The following TMPRSS3 variants were observed in gnomAD, a reference collection of about 807,000 sequenced individuals.
The protein encoded by TMPRSS3 is transmembrane serine protease 3.
A neutral mutation model predicts 59.6 loss-of-function variants in TMPRSS3; 55 were observed. The observed-to-expected ratio is 0.92, with a 90% CI of 0.74 to 1.16. TMPRSS3 has a LOEUF of 1.16. Ranked by LOEUF, TMPRSS3 falls within the 50% of genes most tolerant of loss-of-function variation. TMPRSS3 has a pLI of 0.00. For synonymous variants in TMPRSS3, 257 were observed against 237.7 expected, an observed-to-expected ratio of 1.08 and a Z score of -0.75; for missense variants, 596 against 579.4, an observed-to-expected ratio of 1.03 and a Z score of -0.29.
chr21:42,388,836 G>A lies in TMPRSS3; in HGVS notation c.322+93C>T, dbSNP rs1420410279. The A allele has an allele frequency of 6.0e-6, 7 of 1,171,890 alleles. 1 individual carries two copies. The highest frequency in any genetic ancestry group is 9.0e-6 in the Non-Finnish European group (7 of 780,960). 72.6% of individuals were successfully genotyped at this position (1,171,890 alleles called of 1,614,324 possible). ...CAGCTGAAGACATGACCTAAAAATG[G>A]CAATGACTTGGACCCATTTTACAGA... On this transcript the variant is annotated intron_variant, in intron 4 of 12. Coordinates refer to ENST00000644384, the MANE Select transcript of TMPRSS3 (RefSeq NM_001256317.3). The surrounding 1 kb of genome is among the most constrained non-coding windows in gnomAD (Gnocchi z 5.1).
At chr21:42,391,244 CTA>C (rs1229383941) in intron 2 of TMPRSS3, among the ~76,000 whole-genome samples, 1 of 152,192 alleles carries the variant, frequency 6.6e-6, no homozygotes, top group African/African-American at 2.4e-5. Context: ...GGGGATCTCA[CTA>C]TGTTGCTCAG....
chr21:42,394,847 G>T (rs1169498023), intron 2 of TMPRSS3, among the ~76,000 whole-genome samples: 1 of 152,186 alleles, frequency 6.6e-6, no homozygotes, highest in Non-Finnish European at 1.5e-5. Context: ...AGGCATTTGT[G>T]ACTTATTTAC....
At position 42,388,523 on chromosome 21, in the gene TMPRSS3, C is replaced by T. The variant is rs139484231; in HGVS notation, c.326G>A (p.Arg109Gln). Residue 109 changes from arginine (R) to glutamine (Q), a missense_variant, in exon 5 of 13, where the codon CGG becomes CAG. Transcript: ENST00000644384. The surrounding 1 kb of genome is among the most constrained non-coding windows in gnomAD (Gnocchi z 5.1). The stretch of plus-strand genomic sequence containing the variant: ...GAGCACGGCATTCTGACCACCCACC[C>T]GGACTGGCCGATGTGCAGAAAGAAA... ...KDGEDEYRCVRVGGQNAVLQV... is the reference protein window; with the variant it reads ...KDGEDEYRCVQVGGQNAVLQV... The T allele has an allele frequency of 5.8e-5, 93 of 1,614,062 alleles. No individual in the cohort carries two copies. The highest frequency in any genetic ancestry group is 2.0e-4 in the East Asian group (9 of 44,900).
rs374082620 is a variant in TMPRSS3, at chr21:42,376,565, C to G, written c.1167G>C (p.Leu389=). 9 of 1,613,600 alleles carry G rather than the reference C, an allele frequency of 5.6e-6. No individual in the cohort carries two copies. Among genetic ancestry groups the G allele is most frequent in the African/African-American group, 1.3e-5 (1 of 74,950 alleles). Residue 389 remains leucine, a synonymous_variant, in exon 11 of 13, where the codon CTG becomes CTC. Coordinates refer to ENST00000644384, the MANE Select transcript of TMPRSS3 (RefSeq NM_001256317.3). ...CCTGGCAGCTGTCCACGCCACCCGT[C>G]AGGTAGCCCGCGCAGAGCATGGAGG... ...ISPSMLCAGY[L]TGGVDSCQGD...
rs1427857468 is a variant in TMPRSS3, at chr21:42,383,076, T to A, written c.739A>T (p.Ile247Phe). The change falls in exon 8 of 13, where the codon ATC becomes TTC. Residue 247 changes from isoleucine to phenylalanine, a missense_variant. Physicochemically the swap from Ile to Phe is conservative, Grantham distance 21. Coordinates refer to ENST00000644384, the MANE Select transcript of TMPRSS3 (RefSeq NM_001256317.3). ...QGYHLCGGSV[I>F]TPLWIITAAH... ...GCAGTGATGATCCACAGGGGCGTGA[T>A]GACAGAGCCCCCGCACAGGTGGTAG... 1 of 1,614,032 alleles carries A rather than the reference T, an allele frequency of 6.2e-7. No homozygotes were observed.
chr21:42,372,691 G>A lies in TMPRSS3; in HGVS notation c.*71C>T, dbSNP rs765583795. On this transcript the variant is annotated 3_prime_UTR_variant, in exon 13 of 13. Transcript: ENST00000644384. ...TCTGCTCGTGTGCAGGTTCCTACAC[G>A]GGAGTCCAGGGGAGGATCGGGCTGT... The A allele has an allele frequency of 2.7e-5, 41 of 1,540,010 alleles. No homozygotes were observed. Among genetic ancestry groups the A allele is most frequent in the Admixed American group, 1.5e-4 (9 of 59,922 alleles).
rs779582533 is a variant in TMPRSS3 at position 42,396,026 on chromosome 21, C to G, written c.-136G>C. On this transcript the variant is annotated 5_prime_UTR_variant, in exon 1 of 13. Coordinates refer to ENST00000644384, the MANE Select transcript of TMPRSS3 (RefSeq NM_001256317.3). ...TTACTGGCTTCCCATAAACACAGCCCTTTCCTGGCTCACACGGGCATGACC... is the reference window on the plus strand; with the variant it reads ...TTACTGGCTTCCCATAAACACAGCCGTTTCCTGGCTCACACGGGCATGACC... 5.8e-6 allele frequency: 3 copies of G among 518,862 alleles called. No homozygotes were observed. The highest frequency in any genetic ancestry group is 5.4e-5 in the East Asian group (1 of 18,364). The allele number at this position is 518,862 out of a possible 1,614,324, so 32.1% of individuals were successfully genotyped here. A position where few individuals can be genotyped will look rare whatever the true frequency, so the allele number is the denominator to read the frequency against.
intron 5 of TMPRSS3, among the ~76,000 whole-genome samples, chr21:42,386,130 T>C (rs1469421635): frequency 2.6e-5 from 4 of 152,214 alleles, no homozygotes; most frequent in Admixed American, 1.3e-4. Context: ...GTGGTGAAAG[T>C]GATGCAACTT....
At chr21:42,384,127 G>T in intron 6 of TMPRSS3, 114 bp from the exon 7 acceptor site, 65 of 866,356 alleles carry the variant, frequency 7.5e-5, no homozygotes, top group Middle Eastern at 2.6e-4. Flanking sequence ...CCCCCTCTTT[G>T]AATATAGATT....
In TMPRSS3 at chr21:42,375,773, C is replaced by G; in HGVS notation, c.1287G>C (p.Lys429Asn). 2 of 1,613,792 alleles carry G rather than the reference C, an allele frequency of 1.2e-6. No homozygotes were observed. The highest frequency in any genetic ancestry group is 8.5e-7 in the Non-Finnish European group (1 of 1,180,032). ...AGGTGACACGGGTGTACACCCCAGG[C>G]TTGTTCACCTCTGCGCAGCCGATGC... ...SFGIGCAEVN[K>N]PGVYTRVTSF... The change falls in exon 12 of 13, where the codon AAG becomes AAC. Residue 429 changes from lysine (K) to asparagine (N), a missense_variant. Coordinates refer to ENST00000644384, the MANE Select transcript of TMPRSS3 (RefSeq NM_001256317.3).
chr21:42,373,561 C>T (rs2052370060), intron 12 of TMPRSS3, among the ~76,000 whole-genome samples: 2 of 152,238 alleles, frequency 1.3e-5, no homozygotes, highest in South Asian at 4.1e-4. Flanking sequence ...TCACCCCAGA[C>T]CTCCCAATCA....
intron 3 of TMPRSS3, 145 bp downstream of exon 3, chr21:42,389,782 T>C (rs748607774): frequency 4.2e-6 from 3 of 707,828 alleles, no homozygotes; most frequent in East Asian, 2.7e-5. Flanking sequence ...CAAATAAAAC[T>C]TCAAGTCAGC....
In TMPRSS3 at chr21:42,379,977, C is replaced by T. The variant is rs183337776; in HGVS notation, c.1048+140G>A. On this transcript the variant is annotated intron_variant, in intron 10 of 12. Coordinates refer to ENST00000644384, the MANE Select transcript of TMPRSS3 (RefSeq NM_001256317.3). ...CACAGTTCCTTGGCTGACTGTGTCC[C>T]GAGCAGCTGACATGCACTCCCTGGC... 3.7e-5 allele frequency: 27 copies of T among 721,874 alleles called. No individual in the cohort carries two copies. In the East Asian group the frequency reaches 4.6e-4, roughly 12 times the overall value. The allele number at this position is 721,874 out of a possible 1,614,324, so 44.7% of individuals were successfully genotyped here.
At chr21:42,375,647 G>C in intron 12 of TMPRSS3, 69 bp downstream of exon 12, 1 of 1,598,990 alleles carries the variant, frequency 6.3e-7, no homozygotes, top group Non-Finnish European at 8.6e-7. Context: ...GCAAGACCAG[G>C]GTTGCATTTA....
Position 42,395,465 on chromosome 21 carries a change from C to T in TMPRSS3, c.-48G>A. On this transcript the variant is annotated 5_prime_UTR_variant, in exon 2 of 13. Coordinates refer to ENST00000644384, the MANE Select transcript of TMPRSS3 (RefSeq NM_001256317.3). Reference sequence around the variant, plus strand: ...ACATCCGGCTCCGCCTCCACCTCTACCTCCTTAGCCGAGGAAGAACAGAAA... The same window carrying T: ...ACATCCGGCTCCGCCTCCACCTCTATCTCCTTAGCCGAGGAAGAACAGAAA... The T allele has an allele frequency of 6.7e-7, 1 of 1,486,800 alleles. No homozygotes were observed. The highest frequency in any genetic ancestry group is 9.4e-7 in the Non-Finnish European group (1 of 1,064,992). The allele number at this position is 1,486,800 out of a possible 1,614,324, so 92.1% of individuals were successfully genotyped here.
intron 6 of TMPRSS3, among the ~76,000 whole-genome samples, chr21:42,385,063 C>CTCTTCCTCCCTCCCTTCCTTCCTT (rs374631481): frequency 1.8e-5 from 2 of 111,920 alleles, no homozygotes; most frequent in African/African-American, 3.8e-5. Context: ...CTTCCTCCCT[C>CTCTTCCTCCCTCCCTTCCTTCCTT]CCTCCCTCCC....
At chr21:42,390,163 G>A in intron 2 of TMPRSS3, 126 bp from the exon 3 acceptor site, 1 of 794,616 alleles carries the variant, frequency 1.3e-6, no homozygotes. Flanking sequence ...AAAGAAAGGT[G>A]CCTTAATTAG....
chr21:42,387,299 C>A (rs946545454), intron 5 of TMPRSS3, among the ~76,000 whole-genome samples: 1 of 151,958 alleles, frequency 6.6e-6, no homozygotes, highest in Non-Finnish European at 1.5e-5. Flanking sequence ...CAACACCCCC[C>A]ACCCAATGAG....
Position 42,380,167 on chromosome 21 carries a change from G to A in TMPRSS3, c.998C>T (p.Pro333Leu), listed in dbSNP as rs144682332. Reference protein sequence around the residue: ...VCLPNSEENFPDGKVCWTSGW... With the variant: ...VCLPNSEENFLDGKVCWTSGW... ...TGACGTCCAGCACACTTTTCCATCGGGGAAGTTCTCTTCAGAGTTGGGCAG... is the reference window on the plus strand; with the variant it reads ...TGACGTCCAGCACACTTTTCCATCGAGGAAGTTCTCTTCAGAGTTGGGCAG... Residue 333 changes from proline (P) to leucine (L), a missense_variant, in exon 10 of 13, where the codon CCC becomes CTC. Physicochemically the swap from Pro to Leu is moderately conservative, Grantham distance 98 (BLOSUM62 -3). Coordinates refer to ENST00000644384, the MANE Select transcript of TMPRSS3 (RefSeq NM_001256317.3). 2.5e-6 allele frequency: 4 copies of A among 1,614,026 alleles called. No homozygotes were observed. In the African/African-American group the frequency reaches 5.3e-5, roughly 22 times the overall value.
Sources: allele counts gnomAD v4.1 joint callset (sites outside exome capture counted in the v4.1 genomes callset), GRCh38; gene constraint gnomAD v4.1.1; non-coding constraint Gnocchi (gnomAD v3.1); transcripts MANE v1.5; gene names NCBI Gene and HGNC (gene_info 2026-07-23, HGNC 2026-07-21).